The following RPS6KC1 variants were observed in gnomAD, a reference collection of about 807,000 sequenced individuals.
RPS6KC1 encodes ribosomal protein S6 kinase C1, also known as inactive ribosomal protein S6 kinase delta-1.
In RPS6KC1, 54 loss-of-function variants were observed where a neutral mutation model predicts 103.8. The observed-to-expected ratio is 0.52, with a 90% CI of 0.42 to 0.65. The LOEUF is 0.65. RPS6KC1 is among the 30% of genes least tolerant of loss of function. The probability of loss-of-function intolerance (pLI) is 0.00; values close to 1 mark genes in which losing one functional copy is unlikely to be tolerated. For missense variants in RPS6KC1, 1,151 were observed against 1,253.8 expected (o/e 0.92, Z 1.24); for synonymous variants, 439 against 438.7 (o/e 1.00, Z -0.01).
chr1:213,533,055 CA>C, the RPS6KC1 span, among the ~76,000 whole-genome samples: 1 of 152,186 alleles, frequency 6.6e-6, no homozygotes, highest in Non-Finnish European at 1.5e-5. Flanking sequence ...ACTTGACAGG[CA>C]GTGGGAGCTG....
the RPS6KC1 span, among the ~76,000 whole-genome samples, chr1:213,407,829 A>G: frequency 7.9e-5 from 12 of 152,214 alleles, no homozygotes; most frequent in African/African-American, 1.2e-4. Context: ...GACAGTCCAT[A>G]TGATTGCATG....
At chr1:213,153,303 A>AAGCAGG (rs1345085594) in intron 6 of RPS6KC1, among the ~76,000 whole-genome samples, 17 of 142,928 alleles carry the variant, frequency 1.2e-4, no homozygotes, top group Non-Finnish European at 2.4e-4. Flanking sequence ...GCAGGCACAG[A>AAGCAGG]GGCAGGGGCA....
At chr1:213,566,978 G>A in the RPS6KC1 span, among the ~76,000 whole-genome samples, 1 of 152,144 alleles carries the variant, frequency 6.6e-6, no homozygotes, top group Non-Finnish European at 1.5e-5. Context: ...AATTTGGATT[G>A]TAATGTATGG....
chr1:213,593,408 G>A, the RPS6KC1 span, among the ~76,000 whole-genome samples: 1 of 152,216 alleles, frequency 6.6e-6, no homozygotes, highest in African/African-American at 2.4e-5. Flanking sequence ...AATAGTCCAG[G>A]CCAGGGGAAA....
chr1:213,669,661 C>T, the RPS6KC1 span, among the ~76,000 whole-genome samples: 5 of 152,078 alleles, frequency 3.3e-5, no homozygotes, highest in East Asian at 1.9e-4. Flanking sequence ...GTCCGTAAAA[C>T]GCAATAAAGC....
the RPS6KC1 span, among the ~76,000 whole-genome samples, chr1:213,479,515 G>A: frequency 5.3e-5 from 8 of 151,950 alleles, no homozygotes; most frequent in East Asian, 5.8e-4. Context: ...TATATTGGTC[G>A]TTTTCTCATT....
At chr1:213,772,601 C>A in the RPS6KC1 span, among the ~76,000 whole-genome samples, 2 of 148,892 alleles carry the variant, frequency 1.3e-5, no homozygotes, top group Non-Finnish European at 3.0e-5. Context: ...CCACCCCCCA[C>A]CAGTGTCCCC....
intron 14 of RPS6KC1, among the ~76,000 whole-genome samples, chr1:213,270,492 TAG>T (rs2095021821): frequency 6.6e-6 from 1 of 152,086 alleles, no homozygotes. Context: ...ATGAAGACAA[TAG>T]AGTGGGTGTG....
the RPS6KC1 span, among the ~76,000 whole-genome samples, chr1:213,704,076 T>C: frequency 6.6e-6 from 1 of 152,164 alleles, no homozygotes; most frequent in African/African-American, 2.4e-5. Context: ...TTCTTTCTTC[T>C]GCTAATCTGC....
chr1:213,119,412 A>G (rs1337717929), intron 5 of RPS6KC1, among the ~76,000 whole-genome samples: 1 of 98,504 alleles, frequency 1.0e-5, no homozygotes, highest in Non-Finnish European at 2.1e-5. Flanking sequence ...ACGCCACTGC[A>G]CTCCAGCCTG....
chr1:213,737,399 C>T, the RPS6KC1 span, among the ~76,000 whole-genome samples: 1 of 152,158 alleles, frequency 6.6e-6, no homozygotes, highest in South Asian at 2.1e-4. Flanking sequence ...CTGATTTGAT[C>T]AGTTACTAAG....
intron 3 of RPS6KC1, among the ~76,000 whole-genome samples, chr1:213,097,095 C>T (rs778646371): frequency 5.3e-5 from 8 of 152,170 alleles, no homozygotes; most frequent in South Asian, 2.1e-4. Flanking sequence ...GTGGCTCATA[C>T]CTGTAATTCC....
chr1:213,056,547 G>T lies in RPS6KC1; in HGVS notation c.105+5038G>T, dbSNP rs931608962. 2.0e-5 allele frequency among the ~76,000 whole-genome samples: 3 copies of T among 152,228 alleles called. No homozygotes were observed. In the South Asian group the frequency reaches 6.2e-4, roughly 32 times the overall value. The stretch of plus-strand genomic sequence containing the variant: ...TAACTGTGATGATGTGAACAAAGGG[G>T]AGTGAGGGAATTAATGGGAAGTACT... On this transcript the variant is annotated intron_variant, in intron 1 of 14. Transcript: ENST00000366960.
the RPS6KC1 span, among the ~76,000 whole-genome samples, chr1:213,429,736 C>T: frequency 6.6e-6 from 1 of 152,170 alleles, no homozygotes; most frequent in African/African-American, 2.4e-5. Flanking sequence ...TGCATTTTAT[C>T]TCTGTTTCCT....
chr1:213,363,604 CGCTTGCTTGCTT>C, the RPS6KC1 span, among the ~76,000 whole-genome samples: 389 of 85,074 alleles, frequency 4.6e-3, 16 homozygotes, highest in African/African-American at 7.6e-3. Context: ...CTTGCTCGCT[CGCTTGCTTGCTT>C]GCTTGCTTGC....
chr1:213,549,799 C>T, the RPS6KC1 span, among the ~76,000 whole-genome samples: 2 of 151,966 alleles, frequency 1.3e-5, no homozygotes, highest in African/African-American at 4.8e-5. Context: ...AATACTATTT[C>T]TGGGGCTCAT....
At chr1:213,246,013 A>T (rs532666931) in intron 12 of RPS6KC1, among the ~76,000 whole-genome samples, 1 of 152,330 alleles carries the variant, frequency 6.6e-6, no homozygotes, top group African/African-American at 2.4e-5. Flanking sequence ...ATATTAAAGA[A>T]AACAAATCCA....
the RPS6KC1 span, among the ~76,000 whole-genome samples, chr1:213,424,765 G>C: frequency 1.3e-5 from 2 of 152,224 alleles, no homozygotes; most frequent in Non-Finnish European, 2.9e-5. Context: ...AAGTCCTTTT[G>C]TAGGCCCAAA....
intron 3 of RPS6KC1, among the ~76,000 whole-genome samples, chr1:213,083,153 T>C (rs2080058367): frequency 6.6e-6 from 1 of 152,142 alleles, no homozygotes; most frequent in South Asian, 2.1e-4. Flanking sequence ...AGAAAAGCAG[T>C]ACAAAGTGAA....
Sources: gnomAD v4.1 joint callset for allele counts (sites outside exome capture counted in the v4.1 genomes callset) on GRCh38, gnomAD v4.1.1 for gene constraint, MANE v1.5 for transcripts, NCBI Gene and HGNC (gene_info 2026-07-23, HGNC 2026-07-21) for gene names.